The following TRIP12 variants were observed in gnomAD, a reference collection of about 807,000 sequenced individuals.
TRIP12 encodes the protein E3 ubiquitin-protein ligase TRIP12.
TRIP12 carries 25 observed loss-of-function variants against 244.2 expected under a neutral mutation model. The ratio of observed to expected loss-of-function variants is 0.10; its 90% confidence interval spans 0.07 to 0.14. The LOEUF is 0.14. TRIP12 is among the 10% of genes least tolerant of loss of function. The pLI is 1.00. For synonymous variants in TRIP12, 905 were observed against 873.1 expected (o/e 1.04, Z -0.64); for missense variants, 1,677 against 2,486.4 (o/e 0.67, Z 6.92).
rs1360068965 is a variant in TRIP12, at chr2:229,820,478, AAAAAC to A, written c.1451-1971_1451-1967del. Among the ~76,000 whole-genome samples, 241 of 152,300 alleles carry A rather than the reference AAAAAC, an allele frequency of 1.6e-3. 1 individual carries two copies. The highest frequency in any genetic ancestry group is 6.8e-3 in the Middle Eastern group (2 of 294). On this transcript the variant is annotated intron_variant, in intron 8 of 41. Transcript: ENST00000675903. ...GAATTTAGAATCATTTTATACTCTT[AAAAAC>A]TACTGAGGTACCACAAAGCACTTTT...
chr2:229,802,575 A>G (rs570187833), intron 20 of TRIP12, 116 bp from the exon 21 acceptor site: 41 of 677,372 alleles, frequency 6.1e-5, no homozygotes, highest in Middle Eastern at 4.6e-4. Flanking sequence ...AGACTAAAAC[A>G]TAACTGGCAA....
At chr2:229,827,685 G>C (rs2052101726) in intron 8 of TRIP12, among the ~76,000 whole-genome samples, 2 of 152,100 alleles carry the variant, frequency 1.3e-5, no homozygotes, top group South Asian at 2.1e-4. Flanking sequence ...CTACTACTGA[G>C]GGTTACAGTT....
At chr2:229,848,237 G>A (rs1268114159) in intron 4 of TRIP12, among the ~76,000 whole-genome samples, 2 of 152,020 alleles carry the variant, frequency 1.3e-5, no homozygotes, top group Non-Finnish European at 2.9e-5. Flanking sequence ...TGAGTATGAG[G>A]AGACAACCAG....
intron 27 of TRIP12, among the ~76,000 whole-genome samples, chr2:229,792,582 CTT>C (rs1385809497): frequency 6.6e-6 from 1 of 152,126 alleles, no homozygotes; most frequent in Non-Finnish European, 1.5e-5. Context: ...GGTGTGGAGT[CTT>C]CCACTTGCGA....
chr2:229,830,336 G>A (rs2053006129), intron 7 of TRIP12, among the ~76,000 whole-genome samples: 1 of 152,224 alleles, frequency 6.6e-6, no homozygotes, highest in Non-Finnish European at 1.5e-5. Context: ...GCCTTGAGCA[G>A]TAGGATATAA....
chr2:229,836,777 C>A, intron 6 of TRIP12, 71 bp downstream of exon 6: 2 of 1,288,576 alleles, frequency 1.6e-6, no homozygotes, highest in Non-Finnish European at 1.1e-6. Context: ...ACCTAGCATA[C>A]TTCCCTCCCT....
intron 8 of TRIP12, among the ~76,000 whole-genome samples, chr2:229,822,087 C>G (rs2050207910): frequency 6.6e-6 from 1 of 152,306 alleles, no homozygotes; most frequent in Middle Eastern, 3.4e-3. Flanking sequence ...TTGCAGTGAA[C>G]CAAGTTCACG....
At chr2:229,838,705 A>C (rs1024040443) in intron 5 of TRIP12, among the ~76,000 whole-genome samples, 1 of 152,196 alleles carries the variant, frequency 6.6e-6, no homozygotes, top group Non-Finnish European at 1.5e-5. Context: ...TTTGGCCCAA[A>C]ATAGGACAAA....
chr2:229,833,822 C>CA, intron 6 of TRIP12, among the ~76,000 whole-genome samples: 1 of 142,134 alleles, frequency 7.0e-6, no homozygotes, highest in East Asian at 2.0e-4. Flanking sequence ...TTGGTTTTAC[C>CA]AAAACAAAAC....
At chr2:229,782,186 G>C (rs534913038) in intron 34 of TRIP12, among the ~76,000 whole-genome samples, 10 of 152,076 alleles carry the variant, frequency 6.6e-5, no homozygotes, top group African/African-American at 2.4e-4. Flanking sequence ...CAACATATAA[G>C]AATCGCATCC....
Position 229,791,851 on chromosome 2 carries a change from A to C in TRIP12, c.4415+15T>G. 6.2e-7 allele frequency: 1 copy of C among 1,605,936 alleles called. No homozygotes were observed. The highest frequency in any genetic ancestry group is 8.5e-7 in the Non-Finnish European group (1 of 1,177,662). On this transcript the variant is annotated intron_variant, in intron 29 of 41. Transcript: ENST00000675903. ...AAGTTTATGAAAAAACAAAAGAAAG[A>C]ATTTTCAGACTTGCCATATTGTATG...
At chr2:229,775,050 C>T (rs1437373023) in intron 37 of TRIP12, among the ~76,000 whole-genome samples, 1 of 152,124 alleles carries the variant, frequency 6.6e-6, no homozygotes, top group Admixed American at 6.5e-5. Flanking sequence ...AGACAAATGG[C>T]TTTCCAAACT....
At chr2:229,780,470 A>T (rs2037749813) in intron 34 of TRIP12, among the ~76,000 whole-genome samples, 1 of 152,168 alleles carries the variant, frequency 6.6e-6, no homozygotes, top group Admixed American at 6.5e-5. Flanking sequence ...AGTTCGCGGC[A>T]TCCCTTTGCT....
chr2:229,878,580 A>T (rs2064118521), intron 2 of TRIP12, among the ~76,000 whole-genome samples: 1 of 151,962 alleles, frequency 6.6e-6, no homozygotes. Context: ...ACATTAAAAA[A>T]AAATTTTTTT....
intron 17 of TRIP12, among the ~76,000 whole-genome samples, chr2:229,806,781 A>C (rs2045992005): frequency 6.6e-6 from 1 of 152,232 alleles, no homozygotes; most frequent in Non-Finnish European, 1.5e-5. Context: ...TCATTGGTTT[A>C]AAATTTTTTC....
At chr2:229,880,655 A>G (rs2064653224) in intron 1 of TRIP12, among the ~76,000 whole-genome samples, 1 of 152,178 alleles carries the variant, frequency 6.6e-6, no homozygotes, top group African/African-American at 2.4e-5. Context: ...AATACAAACA[A>G]AATCGTGGCC....
At chr2:229,911,563 A>G (rs2074280167) in intron 1 of TRIP12, among the ~76,000 whole-genome samples, 1 of 152,162 alleles carries the variant, frequency 6.6e-6, no homozygotes, top group African/African-American at 2.4e-5. Flanking sequence ...ATACAGTTTC[A>G]AATAGCTAGA....
intron 1 of TRIP12, among the ~76,000 whole-genome samples, chr2:229,920,030 T>C (rs541398260): frequency 4.6e-5 from 7 of 152,342 alleles, no homozygotes; most frequent in Non-Finnish European, 8.8e-5. Flanking sequence ...CTACAATTTA[T>C]TGTCTCTAAA....
intron 34 of TRIP12, among the ~76,000 whole-genome samples, chr2:229,784,201 C>T (rs753714692): frequency 1.1e-4 from 16 of 148,026 alleles, no homozygotes; most frequent in Non-Finnish European, 2.1e-4. Context: ...GTGATCAACA[C>T]AGTATAGAAT....
Sources: gnomAD v4.1 joint callset for allele counts (sites outside exome capture counted in the v4.1 genomes callset) on GRCh38, gnomAD v4.1.1 for gene constraint, MANE v1.5 for transcripts, NCBI Gene and HGNC (gene_info 2026-07-23, HGNC 2026-07-21) for gene names.